Variants in IL18R1 observed in about 807,000 individuals in gnomAD.
IL18R1 encodes interleukin 18 receptor 1, also known as interleukin-18 receptor 1.
Under a neutral mutation model 48.5 loss-of-function variants are expected in IL18R1, and 40 were observed. The observed-to-expected ratio is 0.82, with a 90% CI of 0.64 to 1.07. The LOEUF is 1.07. IL18R1 is among the 50% of genes least tolerant of loss of function. IL18R1 has a pLI of 0.00. For synonymous variants in IL18R1, 232 were observed against 225.9 expected (o/e 1.03, Z -0.24); for missense variants, 596 against 633.7 (o/e 0.94, Z 0.64).
At chr2:102,367,003 C>T (rs1254309358) in intron 2 of IL18R1, among the ~76,000 whole-genome samples, 2 of 152,320 alleles carry the variant, frequency 1.3e-5, no homozygotes, top group African/African-American at 2.4e-5. Flanking sequence ...AGTTTAAATA[C>T]TCTCATTCTC....
chr2:102,395,477 C>T (rs1680772485), intron 10 of IL18R1, among the ~76,000 whole-genome samples: 1 of 152,092 alleles, frequency 6.6e-6, no homozygotes, highest in Admixed American at 6.5e-5. Context: ...GTTACATTCC[C>T]CCCCATATTA....
Position 102,396,603 on chromosome 2 carries a change from T to C in IL18R1, c.1343T>C (p.Met448Thr), listed in dbSNP as rs1274762086. The part of the protein sequence containing the change: ...RLIIVLSKSY[M>T]SNEVRYELES... The stretch of plus-strand genomic sequence containing the variant: ...ATCATTGTCCTAAGTAAAAGTTATA[T>C]GTCTAATGAGGTCAGGTATGAACTT... Residue 448 changes from methionine (M) to threonine (T), a missense_variant, in exon 11 of 11, where the codon ATG becomes ACG. Coordinates refer to ENST00000233957, the MANE Select transcript of IL18R1 (RefSeq NM_003855.5). The C allele has an allele frequency of 1.9e-6, 3 of 1,613,448 alleles. No homozygotes were observed. The highest frequency in any genetic ancestry group is 1.7e-5 in the Admixed American group (1 of 59,938).
At chr2:102,367,110 G>T (rs1361580185) in intron 2 of IL18R1, among the ~76,000 whole-genome samples, 2 of 152,098 alleles carry the variant, frequency 1.3e-5, no homozygotes, top group Non-Finnish European at 2.9e-5. Context: ...GCCGAAAGAG[G>T]GGAACGAGCA....
At chr2:102,387,079 C>A in intron 8 of IL18R1, 79 bp downstream of exon 8, 1 of 1,440,986 alleles carries the variant, frequency 6.9e-7, no homozygotes, top group South Asian at 1.3e-5. Flanking sequence ...GCCACTTTCT[C>A]ATTTTCCACA....
At chr2:102,367,008 A>G (rs1455986268) in intron 2 of IL18R1, among the ~76,000 whole-genome samples, 3 of 152,214 alleles carry the variant, frequency 2.0e-5, no homozygotes, top group African/African-American at 4.8e-5. Context: ...AAATACTCTC[A>G]TTCTCAAAAT....
rs761074985 is a variant in IL18R1 at position 102,375,948 on chromosome 2, G to A, written c.510G>A (p.Thr170=). 35 of 1,602,074 alleles carry A rather than the reference G, an allele frequency of 2.2e-5. No homozygotes were observed. Among genetic ancestry groups the A allele is most frequent in the Middle Eastern group, 1.7e-4 (1 of 6,018 alleles). The change falls in exon 5 of 11, where the codon ACG becomes ACA. Residue 170 remains threonine, a synonymous_variant. Transcript: ENST00000233957. ...KLLLENNKNP[T]IKKNAEFEDQ... The stretch of plus-strand genomic sequence containing the variant: ...TACTGGAGAACAATAAAAACCCAAC[G>A]ATAAAGAAGAACGCCGAGTTTGAAG...
At chr2:102,359,954 T>C (rs1678477603) in intron 1 of IL18R1, among the ~76,000 whole-genome samples, 1 of 152,204 alleles carries the variant, frequency 6.6e-6, no homozygotes, top group South Asian at 2.1e-4. Flanking sequence ...TCCCCTTCTA[T>C]AGATAAGAAA....
intron 9 of IL18R1, among the ~76,000 whole-genome samples, chr2:102,392,653 T>C (rs1356882049): frequency 2.0e-5 from 3 of 152,158 alleles, no homozygotes; most frequent in African/African-American, 7.2e-5. Flanking sequence ...TATTGGTTTC[T>C]GAAGGATTGG....
Position 102,381,699 on chromosome 2 carries a change from A to G in IL18R1, c.688+17A>G, listed in dbSNP as rs200822803. On this transcript the variant is annotated intron_variant, in intron 6 of 10. Transcript: ENST00000233957. ...TGGAATTAGGTATATTTCAATATAC[A>G]TATATTCTGCATTTATAAGTAGGGG... 32 of 1,552,168 alleles carry G rather than the reference A, an allele frequency of 2.1e-5. No individual in the cohort carries two copies. The highest frequency in any genetic ancestry group is 3.3e-5 in the Admixed American group (2 of 59,888).
At chr2:102,373,692 C>T (rs950182429) in intron 4 of IL18R1, among the ~76,000 whole-genome samples, 3 of 152,046 alleles carry the variant, frequency 2.0e-5, no homozygotes, top group African/African-American at 7.3e-5. Context: ...TGTGTGTATG[C>T]ATAAAAAACA....
chr2:102,358,869 T>C (rs1182455682), intron 1 of IL18R1, among the ~76,000 whole-genome samples: 2 of 152,198 alleles, frequency 1.3e-5, no homozygotes, highest in African/African-American at 4.8e-5. Context: ...AGATTCAAAA[T>C]TATGTATATT....
chr2:102,371,541 AC>A (rs777656353), intron 3 of IL18R1, among the ~76,000 whole-genome samples: 10 of 152,296 alleles, frequency 6.6e-5, no homozygotes, highest in Admixed American at 5.2e-4. Flanking sequence ...CATTTAGAAA[AC>A]AACATCAGGA....
rs1162111843 is a variant in IL18R1, at chr2:102,396,484, C to T, written c.1271-47C>T. 3.6e-6 allele frequency: 4 copies of T among 1,121,096 alleles called. No homozygotes were observed. The South Asian group carries it at 6.0e-5, about 17-fold the overall frequency. The allele number at this position is 1,121,096 out of a possible 1,614,324, so 69.4% of individuals were successfully genotyped here. On this transcript the variant is annotated intron_variant, in intron 10 of 10. Coordinates refer to ENST00000233957, the MANE Select transcript of IL18R1 (RefSeq NM_003855.5). ...GCAAAATGACTTTTATCTCATGTTC[C>T]CCCTTTCAGTTATCTTAAATTAATA...
At chr2:102,379,201 T>A (rs151093280) in intron 5 of IL18R1, among the ~76,000 whole-genome samples, 23 of 152,284 alleles carry the variant, frequency 1.5e-4, no homozygotes, top group African/African-American at 4.8e-4. Flanking sequence ...CCTAGCACTT[T>A]GGGAGGCCGA....
chr2:102,378,959 G>A (rs936931750), intron 5 of IL18R1, among the ~76,000 whole-genome samples: 1 of 152,214 alleles, frequency 6.6e-6, no homozygotes, highest in African/African-American at 2.4e-5. Flanking sequence ...CCTTCTCCAT[G>A]TTGTGTCTTT....
chr2:102,390,291 A>T, intron 9 of IL18R1, 74 bp downstream of exon 9: 1 of 1,310,994 alleles, frequency 7.6e-7, no homozygotes, highest in Admixed American at 1.8e-5. Flanking sequence ...ATTAATCTTC[A>T]TCTTATTGTG....
At position 102,376,019 on chromosome 2, in the gene IL18R1, A is replaced by C. The variant is rs1679561843; in HGVS notation, c.581A>C (p.Lys194Thr). ...SCVHFLHHNG[K>T]LFNITKTFNI... ...GTGCATTTCCTTCATCATAATGGAA[A>C]ACTATTTAATATCACCAAAACCTTC... The change falls in exon 5 of 11, where the codon AAA becomes ACA. Residue 194 changes from lysine to threonine, a missense_variant. Physicochemically the swap from Lys to Thr is moderately conservative, Grantham distance 78. Around this residue, in one of 3 missense-constraint regions of IL18R1, gnomAD observed 360 missense variants for 339.4 expected, o/e 1.06. Coordinates refer to ENST00000233957, the MANE Select transcript of IL18R1 (RefSeq NM_003855.5). The C allele has an allele frequency of 1.2e-6, 2 of 1,604,948 alleles. No individual in the cohort carries two copies. The highest frequency in any genetic ancestry group is 4.5e-5 in the East Asian group (2 of 44,584).
At chr2:102,362,046 A>G (rs562161715) in intron 1 of IL18R1, among the ~76,000 whole-genome samples, 2 of 152,314 alleles carry the variant, frequency 1.3e-5, no homozygotes, top group East Asian at 3.9e-4. Context: ...CATGTTAGTG[A>G]GTGCTGGCCA....
intron 6 of IL18R1, among the ~76,000 whole-genome samples, chr2:102,382,644 G>A (rs1679985462): frequency 6.6e-6 from 1 of 152,156 alleles, no homozygotes. Context: ...TAAGTAACTT[G>A]TCTAAAGTTA....
Sources: allele counts gnomAD v4.1 joint callset (sites outside exome capture counted in the v4.1 genomes callset), GRCh38; gene constraint gnomAD v4.1.1; regional missense constraint gnomAD v4.1.1; transcripts MANE v1.5; gene names NCBI Gene and HGNC (gene_info 2026-07-23, HGNC 2026-07-21).